The following COLEC12 variants were observed in gnomAD, a reference collection of about 807,000 sequenced individuals.
COLEC12 encodes the protein collectin-12.
In COLEC12, 33 loss-of-function variants were observed where a neutral mutation model predicts 71.1. The observed-to-expected ratio is 0.46, with a 90% confidence interval of 0.35 to 0.62. COLEC12 has a LOEUF of 0.62. Ranked by LOEUF, COLEC12 falls within the 20% of genes least tolerant of loss-of-function variation. The pLI, the probability that COLEC12 is intolerant of heterozygous loss-of-function variation, is 0.00. For synonymous variants in COLEC12, 350 were observed against 353.0 expected (o/e 0.99, Z 0.10); for missense variants, 765 against 916.1 (o/e 0.84, Z 2.13).
intron 2 of COLEC12, among the ~76,000 whole-genome samples, chr18:419,526 C>G (rs1033197460): frequency 6.6e-6 from 1 of 152,168 alleles, no homozygotes; most frequent in Non-Finnish European, 1.5e-5. Context: ...TTAAATGATA[C>G]AGAGTCATTA....
At chr18:366,081 G>C (rs1914850263) in intron 2 of COLEC12, among the ~76,000 whole-genome samples, 1 of 152,190 alleles carries the variant, frequency 6.6e-6, no homozygotes, top group South Asian at 2.1e-4. Context: ...GTAAGTAGCA[G>C]GCAGTAGTTA....
At chr18:431,748 G>C (rs895190366) in intron 2 of COLEC12, among the ~76,000 whole-genome samples, 2 of 152,134 alleles carry the variant, frequency 1.3e-5, no homozygotes, top group Non-Finnish European at 2.9e-5. Context: ...CACATTTACT[G>C]GTCCTCGGTT....
intron 8 of COLEC12, among the ~76,000 whole-genome samples, chr18:325,878 G>A (rs1330821027): frequency 5.9e-5 from 9 of 151,900 alleles, no homozygotes; most frequent in East Asian, 1.9e-4. Context: ...TGCTCAGGCC[G>A]GTCTCGAACT....
intron 2 of COLEC12, among the ~76,000 whole-genome samples, chr18:456,492 G>A (rs1375847357): frequency 1.3e-5 from 2 of 152,162 alleles, no homozygotes; most frequent in Admixed American, 6.5e-5. Flanking sequence ...TCAGTTGGCC[G>A]GGCTCTGCCT....
At chr18:364,235 T>C (rs1022431266) in intron 2 of COLEC12, among the ~76,000 whole-genome samples, 6 of 152,214 alleles carry the variant, frequency 3.9e-5, no homozygotes, top group African/African-American at 1.4e-4. Flanking sequence ...CCCTGCCTAC[T>C]AAAAAAGAAT....
chr18:368,455 T>C (rs976616599), intron 2 of COLEC12, among the ~76,000 whole-genome samples: 3 of 152,078 alleles, frequency 2.0e-5, no homozygotes, highest in African/African-American at 7.2e-5. Context: ...ATGCCTGTAG[T>C]CCCAGCTACT....
chr18:422,222 C>A (rs1916112804), intron 2 of COLEC12, among the ~76,000 whole-genome samples: 1 of 152,232 alleles, frequency 6.6e-6, no homozygotes, highest in African/African-American at 2.4e-5. Context: ...AGACAGGTAT[C>A]TAACTTGGGG....
chr18:376,069 G>A (rs1915106647), intron 2 of COLEC12, among the ~76,000 whole-genome samples: 1 of 152,156 alleles, frequency 6.6e-6, no homozygotes, highest in South Asian at 2.1e-4. Context: ...TTCAAACCCA[G>A]ATCGACTCCA....
At chr18:463,663 G>A (rs1481282169) in intron 2 of COLEC12, among the ~76,000 whole-genome samples, 3 of 152,096 alleles carry the variant, frequency 2.0e-5, no homozygotes, top group Non-Finnish European at 4.4e-5. Flanking sequence ...CAGAGCCAGC[G>A]ACATCTCGGA....
chr18:388,829 G>C (rs1915400229), intron 2 of COLEC12, among the ~76,000 whole-genome samples: 1 of 152,160 alleles, frequency 6.6e-6, no homozygotes, highest in South Asian at 2.1e-4. Context: ...GCAATGAAGA[G>C]GTGGATCTTA....
At chr18:441,756 G>A (rs1173179866) in intron 2 of COLEC12, among the ~76,000 whole-genome samples, 1 of 152,082 alleles carries the variant, frequency 6.6e-6, no homozygotes, top group African/African-American at 2.4e-5. Context: ...CAGCTCTCTG[G>A]GAGGCCAAGA....
chr18:465,931 G>A (rs1033704526), intron 2 of COLEC12, among the ~76,000 whole-genome samples: 13 of 152,204 alleles, frequency 8.5e-5, no homozygotes, highest in South Asian at 2.1e-4. Context: ...AACATTAGCC[G>A]GGCGTGGGGG....
At chr18:465,704 C>CA (rs899722559) in intron 2 of COLEC12, among the ~76,000 whole-genome samples, 1 of 151,990 alleles carries the variant, frequency 6.6e-6, no homozygotes, top group Non-Finnish European at 1.5e-5. Flanking sequence ...TAATTTTAAG[C>CA]AAAAAATAAA....
intron 2 of COLEC12, among the ~76,000 whole-genome samples, chr18:467,983 G>T (rs1177554645): frequency 6.6e-6 from 1 of 152,108 alleles, no homozygotes; most frequent in East Asian, 1.9e-4. Context: ...TAAAAATCAG[G>T]CCGGGCGCAG....
intron 8 of COLEC12, among the ~76,000 whole-genome samples, chr18:322,895 C>T (rs185323918): frequency 5.3e-5 from 8 of 152,154 alleles, no homozygotes; most frequent in African/African-American, 9.6e-5. Context: ...AGAACTGACT[C>T]CCCCACACCA....
rs1316096708 is a variant in COLEC12, at chr18:500,474, C to T, written c.7+34G>A. On this transcript the variant is annotated intron_variant, in intron 1 of 9. Transcript: ENST00000400256. This position sits in a 1 kb window ranked among gnomAD's most constrained non-coding sequence, Gnocchi z 5.3. ...CGCGCGCCCCGAAGCCCGTTCCCCC[C>T]GCCCAGAGCCCCGCGGAGCTGCCGC... 1.6e-6 allele frequency: 2 copies of T among 1,225,628 alleles called. No individual in the cohort carries two copies. Among genetic ancestry groups the T allele is most frequent in the Non-Finnish European group, 2.0e-6 (2 of 983,346 alleles). The allele number at this position is 1,225,628 out of a possible 1,614,324, so 75.9% of individuals were successfully genotyped here. A position where few individuals can be genotyped will look rare whatever the true frequency, so the allele number is the denominator to read the frequency against.
At chr18:474,322 A>T (rs1917261446) in intron 2 of COLEC12, among the ~76,000 whole-genome samples, 1 of 152,252 alleles carries the variant, frequency 6.6e-6, no homozygotes, top group Admixed American at 6.5e-5. Flanking sequence ...GTGGGAAATC[A>T]CCTGGCACAT....
chr18:445,985 G>A lies in COLEC12; in HGVS notation c.58+34722C>T, dbSNP rs944122060. On this transcript the variant is annotated intron_variant, in intron 2 of 9. Coordinates refer to ENST00000400256, the MANE Select transcript of COLEC12 (RefSeq NM_130386.3). ...CCTGTTCTGAACACTTCATATAAAT[G>A]GAATCATAATATGTGGCCTTTTGTG... Among the ~76,000 whole-genome samples the A allele has an allele frequency of 3.3e-5, 5 of 152,014 alleles. 1 individual carries two copies. Among genetic ancestry groups the A allele is most frequent in the Non-Finnish European group, 5.9e-5 (4 of 68,018 alleles).
intron 6 of COLEC12, 34 bp from the exon 7 acceptor site, chr18:333,177 A>G (rs2143434767): frequency 1.9e-6 from 3 of 1,562,412 alleles, no homozygotes; most frequent in Admixed American, 2.0e-5. Flanking sequence ...ATTGATTAAA[A>G]GATCACAGAA....
Sources: gnomAD v4.1 joint callset for allele counts (sites outside exome capture counted in the v4.1 genomes callset) on GRCh38, gnomAD v4.1.1 for gene constraint, Gnocchi (gnomAD v3.1) non-coding constraint, MANE v1.5 for transcripts, NCBI Gene and HGNC (gene_info 2026-07-23, HGNC 2026-07-21) for gene names.